Variants in RARB observed in about 807,000 individuals in gnomAD.
The protein encoded by RARB is retinoic acid receptor beta, also known as HBV-activated protein.
In RARB, 17 loss-of-function variants were observed where a neutral mutation model predicts 51.9. The observed-to-expected ratio is 0.33, with a 90% CI of 0.22 to 0.49. The LOEUF (loss-of-function observed/expected upper bound fraction) is 0.49, where lower values mean the gene tolerates loss of function less well. Ranked by LOEUF, RARB falls within the 20% of genes least tolerant of loss-of-function variation. RARB has a pLI of 0.99. For missense variants in RARB, 369 were observed against 550.8 expected (o/e 0.67, Z 3.30); for synonymous variants, 215 against 195.4 (o/e 1.10, Z -0.84).
At chr3:25,165,243 A>G (rs1408527628) in intron 4 of RARB, among the ~76,000 whole-genome samples, 2 of 152,098 alleles carry the variant, frequency 1.3e-5, no homozygotes, top group Non-Finnish European at 1.5e-5. Flanking sequence ...TGTTTCTATC[A>G]GTACATTGCT....
At chr3:25,068,246 C>T (rs1203420405) in intron 3 of RARB, among the ~76,000 whole-genome samples, 1 of 151,340 alleles carries the variant, frequency 6.6e-6, no homozygotes, top group South Asian at 2.1e-4. Flanking sequence ...CCTCCCCCAC[C>T]CACAACCCCT....
At chr3:25,273,036 C>T (rs774725663) in intron 5 of RARB, among the ~76,000 whole-genome samples, 12 of 152,172 alleles carry the variant, frequency 7.9e-5, no homozygotes, top group Non-Finnish European at 1.5e-4. Context: ...TTGCATTTTA[C>T]ATTCCCCATA....
chr3:25,575,727 C>A (rs922219158), intron 4 of RARB, among the ~76,000 whole-genome samples: 1 of 152,086 alleles, frequency 6.6e-6, no homozygotes, highest in African/African-American at 2.4e-5. Flanking sequence ...TAGGGCCCAC[C>A]CTAATTACCT....
chr3:25,066,372 T>A (rs1698662412), intron 3 of RARB, among the ~76,000 whole-genome samples: 1 of 152,226 alleles, frequency 6.6e-6, no homozygotes, highest in African/African-American at 2.4e-5. Flanking sequence ...AAATTTATTA[T>A]CCATAAATAC....
At chr3:25,100,457 A>G (rs1174799991) in intron 3 of RARB, among the ~76,000 whole-genome samples, 1 of 152,172 alleles carries the variant, frequency 6.6e-6, no homozygotes, top group Non-Finnish European at 1.5e-5. Context: ...TTGAAGGTGA[A>G]TGGCTTAGGA....
intron 5 of RARB, among the ~76,000 whole-genome samples, chr3:25,176,596 A>T: frequency 6.6e-6 from 1 of 151,428 alleles, no homozygotes; most frequent in Middle Eastern, 3.4e-3. Context: ...TGGATTCACC[A>T]TGTTGGCCAG....
At chr3:25,032,043 C>A (rs749316699) in intron 2 of RARB, among the ~76,000 whole-genome samples, 10 of 152,120 alleles carry the variant, frequency 6.6e-5, no homozygotes, top group Non-Finnish European at 1.3e-4. Context: ...GATCCACACC[C>A]ATCTGCTAAG....
intron 2 of RARB, among the ~76,000 whole-genome samples, chr3:25,026,983 A>C (rs1697762994): frequency 1.1e-5 from 1 of 93,346 alleles, no homozygotes; most frequent in Non-Finnish European, 2.3e-5. Flanking sequence ...AAGTTTATAG[A>C]ATTTAATTTT....
chr3:25,404,376 G>T (rs893453205), intron 5 of RARB, among the ~76,000 whole-genome samples: 3 of 152,208 alleles, frequency 2.0e-5, no homozygotes, highest in African/African-American at 7.2e-5. Flanking sequence ...AAGTTGACTT[G>T]CTAATGCTTA....
intron 1 of RARB, among the ~76,000 whole-genome samples, chr3:24,837,828 A>G (rs915154385): frequency 6.6e-6 from 1 of 152,194 alleles, no homozygotes; most frequent in African/African-American, 2.4e-5. Flanking sequence ...GATATTACTC[A>G]TTAGGGTCAC....
intron 5 of RARB, among the ~76,000 whole-genome samples, chr3:25,210,416 A>C (rs2125377643): frequency 6.6e-6 from 1 of 152,186 alleles, no homozygotes; most frequent in South Asian, 2.1e-4. Flanking sequence ...GATTTTCTTG[A>C]AACCCAGCTA....
Position 25,219,806 on chromosome 3 carries a change from C to A in RARB, c.178+45231C>A, listed in dbSNP as rs1238317806. 2.0e-5 allele frequency among the ~76,000 whole-genome samples: 3 copies of A among 152,306 alleles called. No individual in the cohort carries two copies. The East Asian group carries it at 5.8e-4, about 29-fold the overall frequency. On this transcript the variant is annotated intron_variant, in intron 5 of 11. Coordinates refer to the RARB transcript ENST00000383772. ...AATGGTTTCAGAATACAGGCTCCTA[C>A]ACACTCACCTTGCCAGCTCCACAGA...
intron 2 of RARB, among the ~76,000 whole-genome samples, chr3:25,016,626 G>A (rs1428538225): frequency 6.6e-6 from 1 of 152,186 alleles, no homozygotes; most frequent in Non-Finnish European, 1.5e-5. Context: ...AAACTTAAGT[G>A]TGCCAGAAAT....
intron 5 of RARB, among the ~76,000 whole-genome samples, chr3:25,252,349 A>T (rs1224621871): frequency 6.6e-6 from 1 of 152,150 alleles, no homozygotes; most frequent in Non-Finnish European, 1.5e-5. Context: ...GCAATTATAT[A>T]TAAATTTTAG....
chr3:25,363,529 G>C (rs1289080203), intron 5 of RARB, among the ~76,000 whole-genome samples: 1 of 151,960 alleles, frequency 6.6e-6, no homozygotes, highest in Non-Finnish European at 1.5e-5. Context: ...CTTTCTTTCT[G>C]TCTTATACTA....
chr3:25,168,727 A>G (rs931786185), intron 4 of RARB, among the ~76,000 whole-genome samples: 1 of 152,256 alleles, frequency 6.6e-6, no homozygotes, highest in Non-Finnish European at 1.5e-5. Context: ...AGAAGCGGAA[A>G]TGGAGAGAAA....
rs545005736 is a variant in RARB at position 25,107,465 on chromosome 3, G to T, written c.-327-24696G>T. 6.6e-5 allele frequency among the ~76,000 whole-genome samples: 10 copies of T among 152,152 alleles called. 1 individual carries two copies. The South Asian group carries it at 2.1e-3, about 32-fold the overall frequency. ...ATATTAACTGCTATTATTATTTCTA[G>T]TATTGTTATTATGAATATAATTACT... On this transcript the variant is annotated intron_variant, in intron 3 of 11. Coordinates refer to the RARB transcript ENST00000383772.
intron 5 of RARB, 63 bp downstream of exon 5, chr3:25,580,785 G>C: frequency 2.0e-6 from 3 of 1,469,338 alleles, no homozygotes; most frequent in Non-Finnish European, 1.8e-6. Flanking sequence ...TGGAGGGGAG[G>C]GAGGGGACCA....
chr3:25,002,228 C>T (rs1189471061), intron 2 of RARB, among the ~76,000 whole-genome samples: 5 of 152,166 alleles, frequency 3.3e-5, no homozygotes, highest in Non-Finnish European at 7.4e-5. Flanking sequence ...GGTGTGAAGA[C>T]ACAGGGCAGA....
Sources: allele counts gnomAD v4.1 joint callset (sites outside exome capture counted in the v4.1 genomes callset), GRCh38; gene constraint gnomAD v4.1.1; transcripts MANE v1.5; gene names NCBI Gene and HGNC (gene_info 2026-07-23, HGNC 2026-07-21).